Variants in ATP8A1 observed in about 807,000 individuals in gnomAD.
The protein encoded by ATP8A1 is ATPase phospholipid transporting 8A1, also known as phospholipid-transporting ATPase IA.
ATP8A1 carries 90 observed loss-of-function variants against 177.7 expected under a neutral mutation model. The observed-to-expected ratio is 0.51, with a 90% CI of 0.43 to 0.60. The LOEUF is 0.60. Among genes scored for constraint, ATP8A1 ranks in the 20% least tolerant of loss-of-function variants. The probability of loss-of-function intolerance (pLI) is 0.00; values close to 1 mark genes in which losing one functional copy is unlikely to be tolerated. For missense variants in ATP8A1, 1,072 were observed against 1,392.8 expected, an observed-to-expected ratio of 0.77 and a Z score of 3.67; for synonymous variants, 493 against 485.9, an observed-to-expected ratio of 1.01 and a Z score of -0.19.
intron 1 of ATP8A1, among the ~76,000 whole-genome samples, chr4:42,633,438 A>C (rs1317012876): frequency 6.6e-6 from 1 of 152,230 alleles, no homozygotes; most frequent in Non-Finnish European, 1.5e-5. Flanking sequence ...TTATTCATTC[A>C]TTCAACATAC....
intron 5 of ATP8A1, among the ~76,000 whole-genome samples, chr4:42,608,955 T>C (rs932905366): frequency 6.6e-6 from 1 of 152,190 alleles, no homozygotes; most frequent in Non-Finnish European, 1.5e-5. Flanking sequence ...CAAACTGACA[T>C]GGCACAGGAA....
intron 25 of ATP8A1, among the ~76,000 whole-genome samples, chr4:42,484,648 A>G (rs2153189014): frequency 6.6e-6 from 1 of 152,332 alleles, no homozygotes; most frequent in South Asian, 2.1e-4. Flanking sequence ...ATAAAAGCAC[A>G]TAGAATAGTT....
intron 10 of ATP8A1, among the ~76,000 whole-genome samples, chr4:42,580,685 A>C (rs542564216): frequency 1.3e-5 from 2 of 152,328 alleles, no homozygotes; most frequent in South Asian, 4.1e-4. Flanking sequence ...CCTATTGATA[A>C]TACCTTCATG....
Position 42,515,890 on chromosome 4 carries a change from A to C in ATP8A1, c.1947+6270T>G, listed in dbSNP as rs142116034. Reference sequence around the variant, plus strand: ...GAAGACAGGTTTTATAAATGAACGAATCTAAACTTCTAAAGAATGCCTTCT... The same window carrying C: ...GAAGACAGGTTTTATAAATGAACGACTCTAAACTTCTAAAGAATGCCTTCT... On this transcript the variant is annotated intron_variant, in intron 22 of 36. Transcript: ENST00000381668. Among the ~76,000 whole-genome samples the C allele has an allele frequency of 2.2e-3, 328 of 152,350 alleles. 1 individual carries two copies. The highest frequency in any genetic ancestry group is 7.6e-3 in the African/African-American group (317 of 41,586).
chr4:42,414,982 C>T (rs998233609), intron 35 of ATP8A1: 22 of 430,604 alleles, frequency 5.1e-5, no homozygotes, highest in Non-Finnish European at 8.9e-5. Context: ...CACCACCCCC[C>T]ACTCAGTTAT....
chr4:42,513,827 G>T (rs1222703701), intron 22 of ATP8A1, among the ~76,000 whole-genome samples: 2 of 152,154 alleles, frequency 1.3e-5, no homozygotes, highest in Non-Finnish European at 2.9e-5. Context: ...GGCTGGATTA[G>T]GACAAAAGAA....
chr4:42,481,207 T>A (rs1721635371), intron 25 of ATP8A1, among the ~76,000 whole-genome samples: 1 of 152,168 alleles, frequency 6.6e-6, no homozygotes, highest in Non-Finnish European at 1.5e-5. Flanking sequence ...GTAGAAAGAC[T>A]GTTCCCAGCA....
chr4:42,446,620 G>A lies in ATP8A1; in HGVS notation c.2921C>T (p.Thr974Ile). 1 of 1,613,930 alleles carries A rather than the reference G, an allele frequency of 6.2e-7. No homozygotes were observed. Among genetic ancestry groups the A allele is most frequent in the Non-Finnish European group, 8.5e-7 (1 of 1,179,918 alleles). ...QYGTAFGNGK[T>I]SDYLLLGNFV... ...GTTTCCCAGTAGCAGATAATCCGAGGTTTTCCCATTTCCAAATGCAGTACC... is the reference window on the plus strand; with the variant it reads ...GTTTCCCAGTAGCAGATAATCCGAGATTTTCCCATTTCCAAATGCAGTACC... Residue 974 changes from threonine (T) to isoleucine (I), a missense_variant, in exon 31 of 37, where the codon ACC becomes ATC. Transcript: ENST00000381668.
At position 42,636,975 on chromosome 4, in the gene ATP8A1, G is replaced by A. The variant is rs113357711; in HGVS notation, c.50-9866C>T. ...TGTGATTCCAGGAGCTACTCCACCC[G>A]CTTAAAGGATATGCTCAGCCTATAT... is the stretch of plus-strand genomic sequence containing the variant. On this transcript the variant is annotated intron_variant, in intron 1 of 36. Transcript: ENST00000381668. Among the ~76,000 whole-genome samples the A allele has an allele frequency of 5.7e-3, 863 of 152,252 alleles. 13 individuals carry two copies. Among genetic ancestry groups the A allele is most frequent in the African/African-American group, 0.019 (805 of 41,534 alleles).
chr4:42,474,243 G>A (rs1016161554), intron 25 of ATP8A1, among the ~76,000 whole-genome samples: 33 of 152,152 alleles, frequency 2.2e-4, no homozygotes, highest in South Asian at 2.1e-4. Flanking sequence ...GAAGCTGAGC[G>A]GCATGGAGGA....
intron 35 of ATP8A1, among the ~76,000 whole-genome samples, chr4:42,417,112 C>T (rs1300409076): frequency 1.3e-5 from 2 of 152,096 alleles, no homozygotes; most frequent in African/African-American, 4.8e-5. Flanking sequence ...AAATGCCATT[C>T]ACAGGAGGTT....
At chr4:42,602,457 T>C (rs2109404661) in intron 5 of ATP8A1, among the ~76,000 whole-genome samples, 1 of 152,210 alleles carries the variant, frequency 6.6e-6, no homozygotes, top group East Asian at 1.9e-4. Context: ...AAATAAGTTG[T>C]AACAAAGCAT....
chr4:42,537,843 A>C (rs1252222541), intron 20 of ATP8A1, among the ~76,000 whole-genome samples: 1 of 152,198 alleles, frequency 6.6e-6, no homozygotes, highest in Non-Finnish European at 1.5e-5. Context: ...GCTAAAAGCA[A>C]TCTACAAATT....
At chr4:42,489,222 C>G (rs964989247) in intron 24 of ATP8A1, among the ~76,000 whole-genome samples, 2 of 152,164 alleles carry the variant, frequency 1.3e-5, no homozygotes, top group African/African-American at 4.8e-5. Context: ...AGACGGACCT[C>G]AGGAGGACTT....
chr4:42,585,901 A>T (rs1177238106), intron 9 of ATP8A1, among the ~76,000 whole-genome samples: 1 of 152,186 alleles, frequency 6.6e-6, no homozygotes, highest in East Asian at 1.9e-4. Context: ...TGGAGGAGAC[A>T]ATAAATTATC....
In ATP8A1 at chr4:42,456,746, C is replaced by T. The variant is rs183984570; in HGVS notation, c.2620-1147G>A. On this transcript the variant is annotated intron_variant, in intron 27 of 36. Coordinates refer to ENST00000381668, the MANE Select transcript of ATP8A1 (RefSeq NM_006095.2). The stretch of plus-strand genomic sequence containing the variant: ...ATACAAAAACAAAACCTAACAACAC[C>T]GACAACTACAAAACTGTTAGAGGAG... Among the ~76,000 whole-genome samples the T allele has an allele frequency of 1.2e-4, 19 of 152,196 alleles. No homozygotes were observed. In the East Asian group the frequency reaches 2.3e-3, roughly 19 times the overall value.
intron 15 of ATP8A1, among the ~76,000 whole-genome samples, chr4:42,557,222 C>A (rs1342407002): frequency 1.3e-5 from 2 of 152,022 alleles, no homozygotes; most frequent in Non-Finnish European, 2.9e-5. Context: ...ATCAAAATAC[C>A]CTTGGGGGCC....
chr4:42,448,401 C>CTTTTTTTTTTTTTTTTTT (rs1226963744), intron 30 of ATP8A1, among the ~76,000 whole-genome samples: 117 of 99,544 alleles, frequency 1.2e-3, no homozygotes, highest in Admixed American at 1.6e-3. Flanking sequence ...TCTTTCTTTT[C>CTTTTTTTTTTTTTTTTTT]TTTTTTTTTT....
rs536690004 is a variant in ATP8A1 at position 42,471,180 on chromosome 4, G to A, written c.2325-6104C>T. 3.9e-5 allele frequency among the ~76,000 whole-genome samples: 6 copies of A among 152,264 alleles called. No homozygotes were observed. The East Asian group carries it at 1.2e-3, about 29-fold the overall frequency. On this transcript the variant is annotated intron_variant, in intron 25 of 36. Coordinates refer to ENST00000381668, the MANE Select transcript of ATP8A1 (RefSeq NM_006095.2). ...AGCTTACATAGCAAGTCTTAAAAAT[G>A]ATACTTAGCAATATGGTACATAATG...
Sources: allele counts gnomAD v4.1 joint callset (sites outside exome capture counted in the v4.1 genomes callset), GRCh38; gene constraint gnomAD v4.1.1; transcripts MANE v1.5; gene names NCBI Gene and HGNC (gene_info 2026-07-23, HGNC 2026-07-21).